Variants in RAPGEF2 observed in about 807,000 individuals in gnomAD.
RAPGEF2 encodes the protein PDZ domain containing guanine nucleotide exchange factor (GEF) 1.
In RAPGEF2, 54 loss-of-function variants were observed where a neutral mutation model predicts 186.7. That is an observed-to-expected ratio of 0.29 (90% CI 0.23 to 0.36). The LOEUF (loss-of-function observed/expected upper bound fraction) is 0.36, where lower values mean the gene tolerates loss of function less well. RAPGEF2 is among the 10% of genes least tolerant of loss of function. The probability of loss-of-function intolerance (pLI) is 1.00; values close to 1 mark genes in which losing one functional copy is unlikely to be tolerated. For missense variants in RAPGEF2, 1,532 were observed against 2,045.0 expected (o/e 0.75, Z 4.84); for synonymous variants, 712 against 705.9 (o/e 1.01, Z -0.14).
At chr4:159,199,057 CAAAAAA>C (rs749062756) in intron 3 of RAPGEF2, among the ~76,000 whole-genome samples, 11 of 80,344 alleles carry the variant, frequency 1.4e-4, no homozygotes, top group African/African-American at 4.9e-4. Flanking sequence ...GACCCTGTCT[CAAAAAA>C]AAAAAAAAAA....
intron 7 of RAPGEF2, among the ~76,000 whole-genome samples, chr4:159,286,945 A>G (rs1010757984): frequency 1.3e-5 from 2 of 152,276 alleles, no homozygotes; most frequent in African/African-American, 4.8e-5. Context: ...TACCTCATCT[A>G]TTCAGTTCAT....
intron 2 of RAPGEF2, among the ~76,000 whole-genome samples, chr4:159,192,949 C>G (rs1471163237): frequency 2.6e-5 from 4 of 152,038 alleles, no homozygotes; most frequent in Non-Finnish European, 5.9e-5. Context: ...ATGTTCTTCC[C>G]CATAAAATAA....
At chr4:159,197,523 G>T (rs1183545430) in intron 3 of RAPGEF2, among the ~76,000 whole-genome samples, 3 of 152,198 alleles carry the variant, frequency 2.0e-5, no homozygotes, top group African/African-American at 7.2e-5. Flanking sequence ...TTCCAAAAGA[G>T]TTTTCATAGC....
At chr4:159,316,258 T>C (rs1387726285) in intron 9 of RAPGEF2, among the ~76,000 whole-genome samples, 1 of 152,196 alleles carries the variant, frequency 6.6e-6, no homozygotes, top group Non-Finnish European at 1.5e-5. Context: ...AGGATTATTA[T>C]AATATTGGAA....
intron 7 of RAPGEF2, among the ~76,000 whole-genome samples, chr4:159,277,271 A>G (rs372747702): frequency 1.3e-5 from 2 of 152,124 alleles, no homozygotes; most frequent in African/African-American, 4.8e-5. Context: ...TTTTATGGCT[A>G]CATAGTATTC....
intron 1 of RAPGEF2, among the ~76,000 whole-genome samples, chr4:159,155,057 A>G (rs1432271210): frequency 2.0e-5 from 3 of 152,170 alleles, no homozygotes; most frequent in Non-Finnish European, 2.9e-5. Context: ...TCGAATTCAG[A>G]ACATCCTATA....
chr4:159,299,266 G>C (rs2111017173), intron 7 of RAPGEF2, among the ~76,000 whole-genome samples: 1 of 152,220 alleles, frequency 6.6e-6, no homozygotes, highest in East Asian at 1.9e-4. Context: ...TGTGCATTCT[G>C]TTATAACTGT....
At chr4:159,251,734 T>G (rs1031359477) in intron 7 of RAPGEF2, among the ~76,000 whole-genome samples, 1 of 152,078 alleles carries the variant, frequency 6.6e-6, no homozygotes, top group Non-Finnish European at 1.5e-5. Context: ...ATCAGCACCC[T>G]GTCAAAACGG....
intron 1 of RAPGEF2, among the ~76,000 whole-genome samples, chr4:159,136,288 G>A (rs1254923073): frequency 3.3e-5 from 5 of 152,140 alleles, no homozygotes; most frequent in African/African-American, 9.7e-5. Flanking sequence ...GTCATTATTC[G>A]TATTAGATTT....
Position 159,353,260 on chromosome 4 carries a change from G to A in RAPGEF2, c.4092-227G>A, listed in dbSNP as rs956072140. 1.4e-5 allele frequency among the ~76,000 whole-genome samples: 2 copies of A among 147,940 alleles called. No individual in the cohort carries two copies. Among genetic ancestry groups the A allele is most frequent in the Non-Finnish European group, 3.0e-5 (2 of 67,206 alleles). On this transcript the variant is annotated intron_variant, in intron 27 of 29. Transcript: ENST00000691494. This position sits in a 1 kb window ranked among gnomAD's most constrained non-coding sequence, Gnocchi z 4.3. ...GTCGGGGAATTTTTTTTTTTTTAAT[G>A]GCACGTTGCGTTCTTTTCCCGCATG... is the stretch of plus-strand genomic sequence containing the variant.
At chr4:159,178,370 T>C (rs186593687) in intron 1 of RAPGEF2, among the ~76,000 whole-genome samples, 1 of 152,192 alleles carries the variant, frequency 6.6e-6, no homozygotes, top group East Asian at 1.9e-4. Flanking sequence ...TACGACATAC[T>C]GTACATTGTT....
rs999926752 is a variant in RAPGEF2, at chr4:159,346,982, G to A, written c.3696G>A (p.Lys1232=). The part of the protein sequence containing the change: ...LYPSRKKVPV[K]DLPPFGINSP... ...CTTCACGGAAGAAAGTGCCCGTAAA[G>A]GATCTCCCACCTTTTGGTAAGTGAT... is the stretch of plus-strand genomic sequence containing the variant. The change falls in exon 25 of 30, where the codon AAG becomes AAA. Residue 1232 remains lysine (K), a synonymous_variant. Coordinates refer to ENST00000691494, the MANE Select transcript of RAPGEF2 (RefSeq NM_001394067.2). 2 of 1,613,590 alleles carry A rather than the reference G, an allele frequency of 1.2e-6. No homozygotes were observed. Among genetic ancestry groups the A allele is most frequent in the Admixed American group, 1.7e-5 (1 of 60,008 alleles).
At chr4:159,190,635 CAG>C (rs1375660480) in intron 2 of RAPGEF2, among the ~76,000 whole-genome samples, 1 of 152,174 alleles carries the variant, frequency 6.6e-6, no homozygotes, top group Non-Finnish European at 1.5e-5. Flanking sequence ...GGGGAGGCCT[CAG>C]AAAACTTACA....
At chr4:159,311,775 A>C (rs1763977177) in intron 8 of RAPGEF2, among the ~76,000 whole-genome samples, 1 of 152,180 alleles carries the variant, frequency 6.6e-6, no homozygotes, top group Non-Finnish European at 1.5e-5. Flanking sequence ...TAATCTCTAA[A>C]CATCTTGTCC....
chr4:159,163,927 G>C (rs1342937439), intron 1 of RAPGEF2, among the ~76,000 whole-genome samples: 1 of 152,140 alleles, frequency 6.6e-6, no homozygotes, highest in Non-Finnish European at 1.5e-5. Context: ...TCACATATCA[G>C]GGCTACTTGT....
chr4:159,127,049 G>A (rs1186885370), intron 1 of RAPGEF2, among the ~76,000 whole-genome samples: 1 of 152,080 alleles, frequency 6.6e-6, no homozygotes, highest in African/African-American at 2.4e-5. Flanking sequence ...TTCTTGAGAC[G>A]GAGTTTTGCT....
At chr4:159,152,218 G>C (rs1472090170) in intron 1 of RAPGEF2, among the ~76,000 whole-genome samples, 1 of 152,102 alleles carries the variant, frequency 6.6e-6, no homozygotes, top group Non-Finnish European at 1.5e-5. Flanking sequence ...CTGTTTGGAG[G>C]CTGGGGTGGG....
intron 7 of RAPGEF2, among the ~76,000 whole-genome samples, chr4:159,295,738 TGTGTGTGTGTGTGTGTGC>T (rs1328812007): frequency 5.0e-4 from 67 of 133,848 alleles, no homozygotes; most frequent in African/African-American, 2.2e-3. Context: ...TGTGTGTGTG[TGTGTGTGTGTGTGTGTGC>T]GCGCGCGCGC....
Position 159,350,946 on chromosome 4 carries a change from G to A in RAPGEF2, c.3865+657G>A. On this transcript the variant is annotated intron_variant, in intron 26 of 29. Coordinates refer to ENST00000691494, the MANE Select transcript of RAPGEF2 (RefSeq NM_001394067.2). The stretch of plus-strand genomic sequence containing the variant: ...TTGTTAAATTTCACTGACTCAACAG[G>A]TATTGCTTTACTTGGTAGATATTTC... 10 of 1,233,116 alleles carry A rather than the reference G, an allele frequency of 8.1e-6. No homozygotes were observed. In the South Asian group the frequency reaches 1.3e-4, roughly 16 times the overall value. 76.4% of individuals were successfully genotyped at this position (1,233,116 alleles called of 1,614,324 possible).
Sources: allele counts gnomAD v4.1 joint callset (sites outside exome capture counted in the v4.1 genomes callset), GRCh38; gene constraint gnomAD v4.1.1; non-coding constraint Gnocchi (gnomAD v3.1); transcripts MANE v1.5; gene names NCBI Gene and HGNC (gene_info 2026-07-23, HGNC 2026-07-21).